KLHL1: variants seen among roughly 807,000 people sequenced by gnomAD.
KLHL1 encodes the protein kelch like family member 1, also known as kelch-like protein 1.
A neutral mutation model predicts 77.7 loss-of-function variants in KLHL1; 47 were observed. The observed-to-expected ratio is 0.60, with a 90% CI of 0.48 to 0.77. KLHL1 has a LOEUF of 0.77. KLHL1 is among the 30% of genes least tolerant of loss of function. The probability of loss-of-function intolerance (pLI) is 0.00; values close to 1 mark genes in which losing one functional copy is unlikely to be tolerated. For synonymous variants in KLHL1, 360 were observed against 325.2 expected (o/e 1.11, Z -1.15); for missense variants, 925 against 910.8 (o/e 1.02, Z -0.20).
intron 1 of KLHL1, among the ~76,000 whole-genome samples, chr13:70,100,197 T>G (rs1233008056): frequency 5.3e-5 from 7 of 132,990 alleles, no homozygotes; most frequent in Non-Finnish European, 1.6e-5. Context: ...TTCTTCATTA[T>G]GTGGCTCTTT....
intron 1 of KLHL1, among the ~76,000 whole-genome samples, chr13:70,083,100 AG>A (rs1887435244): frequency 1.3e-5 from 2 of 152,222 alleles, no homozygotes; most frequent in South Asian, 4.1e-4. Flanking sequence ...AACTTCCCAA[AG>A]GTGAACATAA....
intron 7 of KLHL1, among the ~76,000 whole-genome samples, chr13:69,780,745 CATAT>C (rs72123116): frequency 3.0e-5 from 1 of 33,832 alleles, no homozygotes; most frequent in African/African-American, 9.5e-5. Flanking sequence ...TATATATATA[CATAT>C]ATATATATAC....
chr13:69,998,491 G>A (rs928199321), intron 1 of KLHL1, among the ~76,000 whole-genome samples: 1 of 152,046 alleles, frequency 6.6e-6, no homozygotes, highest in Non-Finnish European at 1.5e-5. Flanking sequence ...CTTAGAATAT[G>A]TACATCCGCA....
At chr13:69,945,760 C>A (rs1403614179) in intron 3 of KLHL1, among the ~76,000 whole-genome samples, 1 of 152,104 alleles carries the variant, frequency 6.6e-6, no homozygotes, top group African/African-American at 2.4e-5. Context: ...AATGGTACAA[C>A]TACTTTAGAA....
chr13:69,745,303 CTTA>C (rs71718305), intron 7 of KLHL1, among the ~76,000 whole-genome samples: 59,362 of 151,322 alleles, frequency 0.39, 11,838 homozygotes, highest in African/African-American at 0.45. Flanking sequence ...TTGGATGTCT[CTTA>C]TTATTAATTA....
At chr13:69,901,533 A>G (rs1881858918) in intron 4 of KLHL1, among the ~76,000 whole-genome samples, 4 of 152,190 alleles carry the variant, frequency 2.6e-5, no homozygotes. Flanking sequence ...TATTTTTGGC[A>G]AAAGAAAACA....
chr13:70,074,881 C>T (rs1298919476), intron 1 of KLHL1, among the ~76,000 whole-genome samples: 2 of 151,530 alleles, frequency 1.3e-5, no homozygotes, highest in Non-Finnish European at 2.9e-5. Flanking sequence ...ATTTTAAATT[C>T]TGTAGACAAA....
chr13:69,738,949 A>G (rs1156683309), intron 8 of KLHL1, among the ~76,000 whole-genome samples: 2 of 152,128 alleles, frequency 1.3e-5, no homozygotes, highest in African/African-American at 2.4e-5. Context: ...ACACATAATC[A>G]TCAGATTCGC....
At chr13:69,820,402 G>A (rs926220787) in intron 6 of KLHL1, among the ~76,000 whole-genome samples, 1 of 152,060 alleles carries the variant, frequency 6.6e-6, no homozygotes, top group Admixed American at 6.6e-5. Flanking sequence ...AACTCATCGT[G>A]TCAATTCTAT....
At chr13:69,847,501 G>C (rs916484917) in intron 5 of KLHL1, among the ~76,000 whole-genome samples, 15 of 151,320 alleles carry the variant, frequency 9.9e-5, no homozygotes, top group African/African-American at 3.6e-4. Flanking sequence ...TCTGGTCATG[G>C]AGTCCACTGC....
intron 7 of KLHL1, among the ~76,000 whole-genome samples, chr13:69,774,398 C>T (rs1026644418): frequency 6.6e-6 from 1 of 151,908 alleles, no homozygotes; most frequent in Non-Finnish European, 1.5e-5. Context: ...TTGCCTATAA[C>T]AATATTAATC....
intron 1 of KLHL1, among the ~76,000 whole-genome samples, chr13:70,082,220 C>T (rs748368421): frequency 4.6e-5 from 7 of 151,676 alleles, no homozygotes; most frequent in Non-Finnish European, 8.8e-5. Context: ...TTATAAATTA[C>T]CCAGTTTCAA....
chr13:69,999,669 G>A (rs1027027132), intron 1 of KLHL1, among the ~76,000 whole-genome samples: 3 of 151,972 alleles, frequency 2.0e-5, no homozygotes, highest in African/African-American at 2.4e-5. Context: ...ATGGCACCTA[G>A]CAATCCTATA....
At chr13:69,849,329 C>G (rs545867154) in intron 5 of KLHL1, among the ~76,000 whole-genome samples, 1 of 151,366 alleles carries the variant, frequency 6.6e-6, no homozygotes, top group African/African-American at 2.4e-5. Context: ...GATGAGTATG[C>G]CAAAAATTCT....
chr13:69,798,351 C>T (rs1593842277), intron 6 of KLHL1, among the ~76,000 whole-genome samples: 1 of 152,242 alleles, frequency 6.6e-6, no homozygotes, highest in East Asian at 1.9e-4. Flanking sequence ...AACATAAACA[C>T]TTTCATAACA....
At chr13:69,772,690 G>C (rs1246255116) in intron 7 of KLHL1, among the ~76,000 whole-genome samples, 1 of 152,120 alleles carries the variant, frequency 6.6e-6, no homozygotes, top group African/African-American at 2.4e-5. Flanking sequence ...CGTGTGTAAA[G>C]TATCTTGCAG....
intron 5 of KLHL1, among the ~76,000 whole-genome samples, chr13:69,877,001 C>A (rs1370942884): frequency 6.6e-6 from 1 of 151,954 alleles, no homozygotes; most frequent in Non-Finnish European, 1.5e-5. Context: ...TGTGCCACTG[C>A]ACTCCAGCCT....
intron 1 of KLHL1, among the ~76,000 whole-genome samples, chr13:69,982,471 AATAATAAT>A (rs1884739451): frequency 2.2e-5 from 3 of 135,986 alleles, no homozygotes; most frequent in African/African-American, 6.6e-5. Flanking sequence ...TAATAATAAT[AATAATAAT>A]AAAATAAAAA....
intron 6 of KLHL1, among the ~76,000 whole-genome samples, chr13:69,813,127 T>G (rs1274536173): frequency 2.0e-5 from 3 of 152,036 alleles, no homozygotes; most frequent in Non-Finnish European, 2.9e-5. Flanking sequence ...ATATACACCA[T>G]GGAATACTAT....
Sources: gnomAD v4.1 joint callset for allele counts (sites outside exome capture counted in the v4.1 genomes callset) on GRCh38, gnomAD v4.1.1 for gene constraint, MANE v1.5 for transcripts, NCBI Gene and HGNC (gene_info 2026-07-23, HGNC 2026-07-21) for gene names.